FADS3: variants seen among roughly 807,000 people sequenced by gnomAD.
FADS3 encodes fatty acid desaturase 3.
In FADS3, 30 loss-of-function variants were observed where a neutral mutation model predicts 60.4. The ratio of observed to expected loss-of-function variants is 0.50; its 90% confidence interval spans 0.37 to 0.67. FADS3 has a LOEUF of 0.67. Ranked by LOEUF, FADS3 falls within the 30% of genes least tolerant of loss-of-function variation. The pLI is 0.00. For missense variants in FADS3, 432 were observed against 598.3 expected, an observed-to-expected ratio of 0.72 and a Z score of 2.90; for synonymous variants, 234 against 249.3, an observed-to-expected ratio of 0.94 and a Z score of 0.58.
chr11:61,890,488 G>GTGCGC, intron 1 of FADS3: 1 of 152,416 alleles, frequency 6.6e-6, no homozygotes, highest in Admixed American at 6.5e-5. Flanking sequence ...GGGGCTGGTC[G>GTGCGC]GGCTGCTCCA....
Position 61,891,159 on chromosome 11 carries a change from G to A in FADS3, c.213+10C>T, listed in dbSNP as rs776313704. The A allele has an allele frequency of 2.4e-5, 37 of 1,555,540 alleles. No homozygotes were observed. Among genetic ancestry groups the A allele is most frequent in the Non-Finnish European group, 3.1e-5 (36 of 1,149,494 alleles). Reference sequence around the variant, plus strand: ...CCCGCCGGTGGGTGGCTTCCTTATGGCTTCCTTACCGTGGCGTCCTCAGCG... The same window carrying A: ...CCCGCCGGTGGGTGGCTTCCTTATGACTTCCTTACCGTGGCGTCCTCAGCG... On this transcript the variant is annotated intron_variant, in intron 1 of 11. Coordinates refer to ENST00000278829, the MANE Select transcript of FADS3 (RefSeq NM_021727.5).
chr11:61,884,993 G>A (rs1405807928), intron 1 of FADS3, among the ~76,000 whole-genome samples: 1 of 152,108 alleles, frequency 6.6e-6, no homozygotes, highest in Non-Finnish European at 1.5e-5. Context: ...CAAAGCAGGG[G>A]CACGAACCAT....
Position 61,876,719 on chromosome 11 carries a change from A to C in FADS3, c.983+147T>G. 1 of 772,986 alleles carries C rather than the reference A, an allele frequency of 1.3e-6. No individual in the cohort carries two copies. 47.9% of individuals were successfully genotyped at this position (772,986 alleles called of 1,614,324 possible). A position where few individuals can be genotyped will look rare whatever the true frequency, so the allele number is the denominator to read the frequency against. On this transcript the variant is annotated intron_variant, in intron 8 of 11. Transcript: ENST00000278829. This position sits in a 1 kb window ranked among gnomAD's most constrained non-coding sequence, Gnocchi z 5.7. ...AACCCACCGACCCTGGGCTCCTGCC[A>C]CGCTTGTGTTTATGTGATTCCACCA...
chr11:61,880,375 C>T, intron 1 of FADS3: 1 of 399,960 alleles, frequency 2.5e-6, no homozygotes, highest in Admixed American at 4.1e-5. Context: ...GCCCCATCCA[C>T]TTCACCCAGC....
intron 1 of FADS3, among the ~76,000 whole-genome samples, chr11:61,883,455 G>A (rs1031463822): frequency 3.3e-5 from 5 of 152,066 alleles, no homozygotes; most frequent in African/African-American, 1.2e-4. Context: ...AGACACACAC[G>A]CACATGCAGA....
In FADS3 at chr11:61,876,636, G is replaced by C. The variant is rs2135991087; in HGVS notation, c.984-181C>G. On this transcript the variant is annotated intron_variant, in intron 8 of 11. Transcript: ENST00000278829. This position sits in a 1 kb window ranked among gnomAD's most constrained non-coding sequence, Gnocchi z 5.7. ...ATGGAGCAGTGTCCACTGTGAGGCT[G>C]AGTCCAGAGCAGCTCCGACACCCAC... 1 of 665,460 alleles carries C rather than the reference G, an allele frequency of 1.5e-6. No homozygotes were observed. Among genetic ancestry groups the C allele is most frequent in the Admixed American group, 2.3e-5 (1 of 43,702 alleles). 41.2% of individuals were successfully genotyped at this position (665,460 alleles called of 1,614,324 possible).
chr11:61,873,724 GC>G lies in FADS3; in HGVS notation c.*89del. ...GGGCAGGCAGGGCACCCCCAGGCTG[GC>G]CAGTGGAGGGGTGAGGGTATCGATC... On this transcript the variant is annotated 3_prime_UTR_variant, in exon 12 of 12. Transcript: ENST00000278829. The G allele has an allele frequency of 1.1e-6, 1 of 888,440 alleles. No individual in the cohort carries two copies. The highest frequency in any genetic ancestry group is 1.8e-6 in the Non-Finnish European group (1 of 542,032). 55.0% of individuals were successfully genotyped at this position (888,440 alleles called of 1,614,324 possible).
intron 2 of FADS3, among the ~76,000 whole-genome samples, 163 bp downstream of exon 2, chr11:61,879,878 T>C (rs1239038054): frequency 6.6e-6 from 1 of 152,186 alleles, no homozygotes; most frequent in East Asian, 1.9e-4. Flanking sequence ...AGCTTCACTT[T>C]CAACTGCCTG....
chr11:61,880,291 C>A lies in FADS3; in HGVS notation c.214-140G>T. On this transcript the variant is annotated intron_variant, in intron 1 of 11. Transcript: ENST00000278829. ...GACAGGAAGTCAGCCGGCTGATGAA[C>A]AGTCAAAGACATGGGCCCTCCCTGG... 5 of 642,456 alleles carry A rather than the reference C, an allele frequency of 7.8e-6. No homozygotes were observed. In the South Asian group the frequency reaches 9.5e-5, roughly 12 times the overall value. 39.8% of individuals were successfully genotyped at this position (642,456 alleles called of 1,614,324 possible).
At chr11:61,888,694 G>A (rs1350419939) in intron 1 of FADS3, among the ~76,000 whole-genome samples, 4 of 152,324 alleles carry the variant, frequency 2.6e-5, no homozygotes, top group East Asian at 1.9e-4. Context: ...AGCATTTACC[G>A]AATACAAACT....
intron 1 of FADS3, among the ~76,000 whole-genome samples, chr11:61,888,919 G>T (rs375243254): frequency 3.6e-4 from 55 of 152,306 alleles, no homozygotes; most frequent in African/African-American, 1.3e-3. Context: ...GTTTGAGACG[G>T]AGTTTTGCTC....
chr11:61,877,397 ACT>A lies in FADS3; in HGVS notation c.885+112_885+113del, dbSNP rs1937944225. On this transcript the variant is annotated intron_variant, in intron 7 of 11. Transcript: ENST00000278829. This position sits in a 1 kb window ranked among gnomAD's most constrained non-coding sequence, Gnocchi z 4.7. ...TGTTGCACGCATACATGTGAGCCAC[ACT>A]GTTGCACGCACATGTGCACCCTGTT... The A allele has an allele frequency of 2.1e-6, 2 of 940,598 alleles. No homozygotes were observed. The highest frequency in any genetic ancestry group is 2.8e-5 in the South Asian group (2 of 71,838). The allele number at this position is 940,598 out of a possible 1,614,324, so 58.3% of individuals were successfully genotyped here.
rs1178928116 is a variant in FADS3, at chr11:61,873,830, G to A, written c.1322C>T (p.Ala441Val). ...LKKSGDIWLD[A>V]YLHQ Reference sequence around the variant, plus strand: ...GTGTTGCCTTCACTGATGGAGGTAGGCGTCCAGCCAGATGTCACCAGACTT... The same window carrying A: ...GTGTTGCCTTCACTGATGGAGGTAGACGTCCAGCCAGATGTCACCAGACTT... Residue 441 changes from alanine (A) to valine (V), a missense_variant, in exon 12 of 12, where the codon GCC (alanine) becomes GTC (valine). Transcript: ENST00000278829. 6.8e-6 allele frequency: 11 copies of A among 1,611,644 alleles called. No homozygotes were observed. Among genetic ancestry groups the A allele is most frequent in the African/African-American group, 2.7e-5 (2 of 74,802 alleles).
chr11:61,884,005 T>C (rs1001426352), intron 1 of FADS3, among the ~76,000 whole-genome samples: 1 of 152,180 alleles, frequency 6.6e-6, no homozygotes, highest in Admixed American at 6.5e-5. Context: ...GCTGTGCTTC[T>C]CATGCTATCA....
intron 10 of FADS3, 21 bp from the exon 11 acceptor site, chr11:61,875,997 C>A: frequency 1.2e-6 from 2 of 1,613,388 alleles, no homozygotes; most frequent in Non-Finnish European, 1.7e-6. Context: ...GGAGCGTATG[C>A]TGGCACCTGA....
rs1360773452 is a variant in FADS3, at chr11:61,877,393, CCA to C, written c.885+116_885+117del. 9 of 895,046 alleles carry C rather than the reference CCA, an allele frequency of 1.0e-5. No individual in the cohort carries two copies. The highest frequency in any genetic ancestry group is 1.6e-5 in the Non-Finnish European group (9 of 566,136). 55.4% of individuals were successfully genotyped at this position (895,046 alleles called of 1,614,324 possible). On this transcript the variant is annotated intron_variant, in intron 7 of 11. Coordinates refer to ENST00000278829, the MANE Select transcript of FADS3 (RefSeq NM_021727.5). This position sits in a 1 kb window ranked among gnomAD's most constrained non-coding sequence, Gnocchi z 4.7. Reference sequence around the variant, plus strand: ...ACACTGTTGCACGCATACATGTGAGCCACACTGTTGCACGCACATGTGCACCC... The same window carrying C: ...ACACTGTTGCACGCATACATGTGAGCCACTGTTGCACGCACATGTGCACCC...
chr11:61,878,768 T>A lies in FADS3; in HGVS notation c.602A>T (p.Lys201Met). The change falls in exon 4 of 12, where the codon AAG becomes ATG. Residue 201 changes from lysine to methionine, a missense_variant. Physicochemically the swap from Lys to Met is moderately conservative, Grantham distance 95. Coordinates refer to ENST00000278829, the MANE Select transcript of FADS3 (RefSeq NM_021727.5). ...KKSWWNHVAQ[K>M]FVMGQLKGFS... ...CACCTTTAGCTGCCCCATCACGAAC[T>A]TCTGGGCCACGTGGTTCCACCAGGA... is the stretch of plus-strand genomic sequence containing the variant. 6.2e-7 allele frequency: 1 copy of A among 1,614,032 alleles called. No homozygotes were observed.
At chr11:61,887,526 T>C (rs891177124) in intron 1 of FADS3, among the ~76,000 whole-genome samples, 4 of 152,042 alleles carry the variant, frequency 2.6e-5, no homozygotes, top group Non-Finnish European at 5.9e-5. Context: ...GACACAAACA[T>C]CCAGCATGAG....
intron 2 of FADS3, among the ~76,000 whole-genome samples, 158 bp downstream of exon 2, chr11:61,879,883 T>C (rs1439098354): frequency 6.6e-6 from 1 of 152,190 alleles, no homozygotes; most frequent in Non-Finnish European, 1.5e-5. Flanking sequence ...CACTTTCAAC[T>C]GCCTGCCCCC....
Sources: gnomAD v4.1 joint callset for allele counts (sites outside exome capture counted in the v4.1 genomes callset) on GRCh38, gnomAD v4.1.1 for gene constraint, Gnocchi (gnomAD v3.1) non-coding constraint, MANE v1.5 for transcripts, NCBI Gene and HGNC (gene_info 2026-07-23, HGNC 2026-07-21) for gene names.